GCH1: variants seen among roughly 807,000 people sequenced by gnomAD.
The protein encoded by GCH1 is GTP cyclohydrolase I.
In GCH1, 5 loss-of-function variants were observed where a neutral mutation model predicts 25.9. The ratio of observed to expected loss-of-function variants is 0.19; its 90% CI spans 0.10 to 0.41. GCH1 has a LOEUF of 0.41. Ranked by LOEUF, GCH1 falls within the 10% of genes least tolerant of loss-of-function variation. The pLI, the probability that GCH1 is intolerant of heterozygous loss-of-function variation, is 1.00. For missense variants in GCH1, 261 were observed against 336.5 expected (o/e 0.78, Z 1.75); for synonymous variants, 159 against 129.6 (o/e 1.23, Z -1.54).
In GCH1 at chr14:54,843,961, C is replaced by T. The variant is rs1435682488; in HGVS notation, c.*56G>A. ...GAATGTACAAACAAGACCGGACAGA[C>T]AGACAATGCTACTGGCAGTACGATC... On this transcript the variant is annotated 3_prime_UTR_variant, in exon 6 of 6. Transcript: ENST00000491895. 3 of 1,613,898 alleles carry T rather than the reference C, an allele frequency of 1.9e-6. No individual in the cohort carries two copies. The highest frequency in any genetic ancestry group is 2.7e-5 in the African/African-American group (2 of 74,916).
intron 1 of GCH1, among the ~76,000 whole-genome samples, chr14:54,891,391 C>G (rs1162396864): frequency 1.3e-5 from 2 of 150,170 alleles, no homozygotes; most frequent in Non-Finnish European, 3.0e-5. Flanking sequence ...CAGGCATGAG[C>G]CATCATGCCT....
chr14:54,881,624 G>C (rs2040273676), intron 1 of GCH1, among the ~76,000 whole-genome samples: 1 of 152,142 alleles, frequency 6.6e-6, no homozygotes, highest in Non-Finnish European at 1.5e-5. Context: ...AAACTAAGAC[G>C]ACTACAGACA....
intron 1 of GCH1, chr14:54,878,242 C>T (rs2040192195): frequency 6.5e-6 from 1 of 153,736 alleles, no homozygotes; most frequent in African/African-American, 2.4e-5. Flanking sequence ...GCACCAACAA[C>T]TCCAGCTCTC....
intron 1 of GCH1, chr14:54,884,701 CAG>C (rs1254115577): frequency 1.1e-5 from 1 of 92,840 alleles, no homozygotes; most frequent in Non-Finnish European, 2.3e-5. Context: ...ACCCAGAAGA[CAG>C]AGGTTGCAGT....
intron 1 of GCH1, among the ~76,000 whole-genome samples, chr14:54,879,222 A>C (rs914664406): frequency 1.3e-5 from 2 of 152,018 alleles, no homozygotes; most frequent in African/African-American, 4.8e-5. Context: ...GGAGTTCAAA[A>C]CCAGCCTGGC....
rs747463468 is a variant in GCH1 at position 54,893,817 on chromosome 14, A to G, written c.343+8504T>C. ...GTTACTCAGAACATCAGTCGGCTTA[A>G]GCATCGCTTCACCCATTCATGCTCC... On this transcript the variant is annotated intron_variant, in intron 1 of 5. Coordinates refer to ENST00000491895, the MANE Select transcript of GCH1 (RefSeq NM_000161.3). Among the ~76,000 whole-genome samples, 4 of 152,362 alleles carry G rather than the reference A, an allele frequency of 2.6e-5. No individual in the cohort carries two copies. The East Asian group carries it at 5.8e-4, about 22-fold the overall frequency.
chr14:54,891,832 T>C (rs1477587184), intron 1 of GCH1, among the ~76,000 whole-genome samples: 1 of 152,210 alleles, frequency 6.6e-6, no homozygotes, highest in Non-Finnish European at 1.5e-5. Flanking sequence ...GCTTCCTACC[T>C]AATAGTCACT....
intron 1 of GCH1, among the ~76,000 whole-genome samples, chr14:54,875,108 C>A (rs1156525321): frequency 6.6e-6 from 1 of 152,182 alleles, no homozygotes; most frequent in Admixed American, 6.5e-5. Context: ...CAGCATGGTA[C>A]TGGTACCAAA....
intron 2 of GCH1, among the ~76,000 whole-genome samples, chr14:54,862,377 C>CTTTTT (rs1491222719): frequency 8.6e-6 from 1 of 115,816 alleles, no homozygotes; most frequent in African/African-American, 3.8e-5. Context: ...TGAAGCACTA[C>CTTTTT]TCTTTTTTTT....
In GCH1 at chr14:54,865,517, A is replaced by G. The variant is rs961519468; in HGVS notation, c.344-81T>C. 4 of 730,080 alleles carry G rather than the reference A, an allele frequency of 5.5e-6. No homozygotes were observed. In the African/African-American group the frequency reaches 6.9e-5, roughly 13 times the overall value. 45.2% of individuals were successfully genotyped at this position (730,080 alleles called of 1,614,324 possible). ...ATGGATAAACATGAATAGACAGTCA[A>G]CATAAACGAACGTTAATCCTCCCTA... On this transcript the variant is annotated intron_variant, in intron 1 of 5. Transcript: ENST00000491895.
chr14:54,881,084 C>G (rs1452746542), intron 1 of GCH1, among the ~76,000 whole-genome samples: 2 of 151,544 alleles, frequency 1.3e-5, no homozygotes, highest in Middle Eastern at 3.2e-3. Context: ...CTCAGCCTCT[C>G]AAAGTGCTGG....
At chr14:54,888,926 T>A (rs554464337) in intron 1 of GCH1, among the ~76,000 whole-genome samples, 1 of 152,324 alleles carries the variant, frequency 6.6e-6, no homozygotes, top group South Asian at 2.1e-4. Context: ...ATCTACTTTT[T>A]ATAAACTACT....
At chr14:54,856,939 A>T (rs530230051) in intron 3 of GCH1, among the ~76,000 whole-genome samples, 1 of 152,340 alleles carries the variant, frequency 6.6e-6, no homozygotes, top group South Asian at 2.1e-4. Context: ...ACTGGCACTG[A>T]AAGGTCATTC....
At chr14:54,883,662 G>C (rs535895595) in intron 1 of GCH1, among the ~76,000 whole-genome samples, 1 of 152,238 alleles carries the variant, frequency 6.6e-6, no homozygotes, top group East Asian at 1.9e-4. Flanking sequence ...CTGGGAGACA[G>C]AGCAAGATTC....
intron 3 of GCH1, among the ~76,000 whole-genome samples, chr14:54,856,941 A>G (rs1481234972): frequency 6.6e-6 from 1 of 152,224 alleles, no homozygotes; most frequent in Non-Finnish European, 1.5e-5. Context: ...TGGCACTGAA[A>G]GGTCATTCAT....
intron 1 of GCH1, among the ~76,000 whole-genome samples, chr14:54,881,632 A>G (rs1370468352): frequency 6.6e-6 from 1 of 152,182 alleles, no homozygotes; most frequent in African/African-American, 2.4e-5. Flanking sequence ...ACGACTACAG[A>G]CAACCAGTCA....
chr14:54,897,323 T>A lies in GCH1; in HGVS notation c.343+4998A>T, dbSNP rs141879511. On this transcript the variant is annotated intron_variant, in intron 1 of 5. Coordinates refer to ENST00000491895, the MANE Select transcript of GCH1 (RefSeq NM_000161.3). ...TTTTTTCTGAGACTGAGTTTCGCTC[T>A]TGTTGCCCAGGCTGGAGTGCAATGG... Among the ~76,000 whole-genome samples the A allele has an allele frequency of 2.2e-3, 320 of 148,630 alleles. 1 individual carries two copies. The highest frequency in any genetic ancestry group is 7.7e-3 in the African/African-American group (306 of 39,702).
At chr14:54,868,056 A>G (rs750976318) in intron 1 of GCH1, among the ~76,000 whole-genome samples, 2 of 152,164 alleles carry the variant, frequency 1.3e-5, no homozygotes, top group Non-Finnish European at 2.9e-5. Flanking sequence ...CTTCCCAAAA[A>G]TCCATAACTG....
intron 3 of GCH1, among the ~76,000 whole-genome samples, chr14:54,854,337 G>A (rs2039777179): frequency 1.3e-5 from 2 of 152,174 alleles, no homozygotes; most frequent in Non-Finnish European, 2.9e-5. Context: ...CCTCCAGGAG[G>A]AAGATAAGAA....
Sources: allele counts gnomAD v4.1 joint callset (sites outside exome capture counted in the v4.1 genomes callset), GRCh38; gene constraint gnomAD v4.1.1; transcripts MANE v1.5; gene names NCBI Gene and HGNC (gene_info 2026-07-23, HGNC 2026-07-21).